Variants in LONRF1 observed in about 807,000 individuals in gnomAD.
The protein encoded by LONRF1 is LON peptidase N-terminal domain and RING finger protein 1.
A neutral mutation model predicts 85.8 loss-of-function variants in LONRF1; 37 were observed. That is an observed-to-expected ratio of 0.43 (90% CI 0.33 to 0.57). The LOEUF is 0.57. LONRF1 is among the 20% of genes least tolerant of loss of function. LONRF1 has a pLI of 0.04. For missense variants in LONRF1, 1,036 were observed against 978.0 expected, an observed-to-expected ratio of 1.06 and a Z score of -0.79; for synonymous variants, 517 against 390.1, an observed-to-expected ratio of 1.33 and a Z score of -3.83.
intron 1 of LONRF1, among the ~76,000 whole-genome samples, chr8:12,751,636 T>C (rs1474882417): frequency 6.6e-6 from 1 of 151,498 alleles, no homozygotes; most frequent in Non-Finnish European, 1.5e-5. Context: ...AAAGACAAAA[T>C]TTTCCTTACC....
At chr8:12,724,797 C>A (rs1294460051) in intron 11 of LONRF1, among the ~76,000 whole-genome samples, 1 of 152,138 alleles carries the variant, frequency 6.6e-6, no homozygotes, top group Non-Finnish European at 1.5e-5. Context: ...AAATAGATGG[C>A]AACTGATAAT....
intron 1 of LONRF1, chr8:12,753,385 C>T (rs1799487075): frequency 2.0e-5 from 3 of 152,202 alleles, no homozygotes; most frequent in South Asian, 4.1e-4. Flanking sequence ...TGTCTGTTTT[C>T]TTGGGGATTA....
intron 1 of LONRF1, among the ~76,000 whole-genome samples, chr8:12,752,804 T>C (rs1799461752): frequency 6.6e-6 from 1 of 152,232 alleles, no homozygotes; most frequent in South Asian, 2.1e-4. Flanking sequence ...TAATTCAAGG[T>C]CAGATCACTA....
At chr8:12,730,032 A>G (rs1165472950) in intron 8 of LONRF1, among the ~76,000 whole-genome samples, 1 of 152,186 alleles carries the variant, frequency 6.6e-6, no homozygotes, top group East Asian at 1.9e-4. Flanking sequence ...GGAAATGTTC[A>G]TGTTCTTGGA....
At chr8:12,741,812 A>G (rs1321357806) in intron 2 of LONRF1, among the ~76,000 whole-genome samples, 1 of 152,170 alleles carries the variant, frequency 6.6e-6, no homozygotes, top group Non-Finnish European at 1.5e-5. Context: ...TAAATCCCTT[A>G]TTTTGTCTTT....
chr8:12,754,576 C>T (rs1161255038), intron 1 of LONRF1, 124 bp downstream of exon 1: 2 of 1,138,694 alleles, frequency 1.8e-6, no homozygotes, highest in Non-Finnish European at 2.2e-6. Flanking sequence ...CCCGACACGC[C>T]AGCGGCCCAG....
At chr8:12,737,344 T>A (rs1482426551) in intron 4 of LONRF1, 3 of 712,200 alleles carry the variant, frequency 4.2e-6, no homozygotes, top group Non-Finnish European at 7.6e-6. Flanking sequence ...AGGCTCTGCA[T>A]CCGTGGGTTC....
rs867135294 is a variant in LONRF1 at position 12,754,990 on chromosome 8, C to T, written c.431G>A (p.Arg144His). Residue 144 changes from arginine to histidine, a missense_variant, in exon 1 of 12, where the codon CGC becomes CAC. By Grantham distance (29) the Arg-to-His change is conservative. This residue lies in a region of LONRF1 where 742 missense variants were observed against 614.4 expected (regional missense o/e 1.21). Coordinates refer to ENST00000398246, the MANE Select transcript of LONRF1 (RefSeq NM_152271.5). Reference protein sequence around the residue: ...VTVPCGHSYCRRCLRRELRAR... With the variant: ...VTVPCGHSYCHRCLRRELRAR... ...GCGGAGTTCCCTCCGCAGGCAGCGGCGGCAGTAGCTGTGGCCACAGGGCAC... is the reference window on the plus strand; with the variant it reads ...GCGGAGTTCCCTCCGCAGGCAGCGGTGGCAGTAGCTGTGGCCACAGGGCAC... 6.7e-7 allele frequency: 1 copy of T among 1,491,626 alleles called. No individual in the cohort carries two copies. The highest frequency in any genetic ancestry group is 8.9e-7 in the Non-Finnish European group (1 of 1,127,226). The allele number at this position is 1,491,626 out of a possible 1,614,324, so 92.4% of individuals were successfully genotyped here.
chr8:12,723,138 T>C lies in LONRF1; in HGVS notation c.2280A>G (p.Ile760Met), dbSNP rs1266982734. 6.2e-7 allele frequency: 1 copy of C among 1,614,174 alleles called. No individual in the cohort carries two copies. Among genetic ancestry groups the C allele is most frequent in the Non-Finnish European group, 8.5e-7 (1 of 1,180,000 alleles). ...MKSLKERLTK[I>M]QHILTYFSRD... ...TAGAAAAATAGGTCAGTATATGCTGTATCTTGGTCAACCGTTCTTTCAAAG... is the reference window on the plus strand; with the variant it reads ...TAGAAAAATAGGTCAGTATATGCTGCATCTTGGTCAACCGTTCTTTCAAAG... Residue 760 changes from isoleucine (I) to methionine (M), a missense_variant, in exon 12 of 12, where the codon ATA becomes ATG. Coordinates refer to ENST00000398246, the MANE Select transcript of LONRF1 (RefSeq NM_152271.5).
intron 10 of LONRF1, among the ~76,000 whole-genome samples, chr8:12,726,254 G>T (rs573503010): frequency 6.6e-6 from 1 of 152,290 alleles, no homozygotes; most frequent in Non-Finnish European, 1.5e-5. Flanking sequence ...ACAAAAAAGT[G>T]GATGATAGTT....
chr8:12,733,179 A>G (rs1052224615), intron 7 of LONRF1, among the ~76,000 whole-genome samples: 1 of 152,162 alleles, frequency 6.6e-6, no homozygotes, highest in Non-Finnish European at 1.5e-5. Context: ...CAGGTAGTAT[A>G]TACACAGATA....
chr8:12,748,179 T>C (rs1799239722), intron 1 of LONRF1, among the ~76,000 whole-genome samples: 1 of 152,168 alleles, frequency 6.6e-6, no homozygotes, highest in African/African-American at 2.4e-5. Context: ...CTATACAGTA[T>C]GTAGAAAGTT....
At chr8:12,737,191 T>C (rs1798753575) in intron 4 of LONRF1, 51 bp from the exon 5 acceptor site, 3 of 1,587,866 alleles carry the variant, frequency 1.9e-6, no homozygotes, top group Non-Finnish European at 1.7e-6. Context: ...CTATCCTTTA[T>C]TCCTCTCACC....
Position 12,723,163 on chromosome 8 carries a change from G to C in LONRF1, c.2255C>G (p.Ser752Cys). 3 of 1,614,114 alleles carry C rather than the reference G, an allele frequency of 1.9e-6. No individual in the cohort carries two copies. Among genetic ancestry groups the C allele is most frequent in the Middle Eastern group, 1.6e-4 (1 of 6,062 alleles). The change falls in exon 12 of 12, where the codon TCT (serine) becomes TGT (cysteine). Residue 752 changes from serine to cysteine, a missense_variant. By Grantham distance (112) the Ser-to-Cys change is moderately radical (BLOSUM62 -1). Around this residue, in one of 3 missense-constraint regions of LONRF1, gnomAD observed 265 missense variants for 301.5 expected, o/e 0.88. Coordinates refer to ENST00000398246, the MANE Select transcript of LONRF1 (RefSeq NM_152271.5). ...TATCTTGGTCAACCGTTCTTTCAAA[G>C]ACTTCATTGACAAAACCGACAGCTG... is the stretch of plus-strand genomic sequence containing the variant. ...RYQLSVLSMKSLKERLTKIQH... is the reference protein window; with the variant it reads ...RYQLSVLSMKCLKERLTKIQH...
intron 1 of LONRF1, among the ~76,000 whole-genome samples, chr8:12,751,294 A>ATGTTTTTTTTTTTTTTTTTTTT (rs1799379147): frequency 1.2e-5 from 1 of 84,810 alleles, no homozygotes. Context: ...TTTTATTTTT[A>ATGTTTTTTTTTTTTTTTTTTTT]TGTTTTTTTT....
chr8:12,737,876 A>G (rs1432598562), intron 4 of LONRF1, 119 bp downstream of exon 4: 25 of 1,005,122 alleles, frequency 2.5e-5, no homozygotes, highest in Non-Finnish European at 2.4e-5. Flanking sequence ...CTACTATGAT[A>G]ACTAACCAGG....
At chr8:12,751,053 G>A (rs1292732258) in intron 1 of LONRF1, among the ~76,000 whole-genome samples, 1 of 152,110 alleles carries the variant, frequency 6.6e-6, no homozygotes, top group Non-Finnish European at 1.5e-5. Flanking sequence ...AGATAGGTTA[G>A]GCAACGTGCA....
At chr8:12,738,239 T>C (rs149472760) in intron 3 of LONRF1, 95 bp from the exon 4 acceptor site, 1 of 847,822 alleles carries the variant, frequency 1.2e-6, no homozygotes, top group South Asian at 2.3e-5. Context: ...TGTAGAAAGT[T>C]TGTAGCAGAC....
At chr8:12,751,294 A>ATGTGTTTTTTTTTTT (rs1799377335) in intron 1 of LONRF1, among the ~76,000 whole-genome samples, 2 of 84,810 alleles carry the variant, frequency 2.4e-5, no homozygotes, top group Admixed American at 1.7e-4. Flanking sequence ...TTTTATTTTT[A>ATGTGTTTTTTTTTTT]TGTTTTTTTT....
Sources: allele counts gnomAD v4.1 joint callset (sites outside exome capture counted in the v4.1 genomes callset), GRCh38; gene constraint gnomAD v4.1.1; regional missense constraint gnomAD v4.1.1; transcripts MANE v1.5; gene names NCBI Gene and HGNC (gene_info 2026-07-23, HGNC 2026-07-21).